Variants in UNC13B observed in about 807,000 individuals in gnomAD.
UNC13B encodes the protein protein unc-13 homolog B.
In UNC13B, 144 loss-of-function variants were observed where a neutral mutation model predicts 211.0. The ratio of observed to expected loss-of-function variants is 0.68; its 90% confidence interval spans 0.60 to 0.78. The LOEUF is 0.78. UNC13B is among the 30% of genes least tolerant of loss of function. The probability of loss-of-function intolerance (pLI) is 0.00; values close to 1 mark genes in which losing one functional copy is unlikely to be tolerated. For synonymous variants in UNC13B, 709 were observed against 725.8 expected, an observed-to-expected ratio of 0.98 and a Z score of 0.37; for missense variants, 1,777 against 2,002.0, an observed-to-expected ratio of 0.89 and a Z score of 2.14.
At chr9:35,403,634 TG>T (rs1194277703) in intron 39 of UNC13B, 35 bp downstream of exon 39, 1 of 558,552 alleles carries the variant, frequency 1.8e-6, no homozygotes. Context: ...GACTCTGGGA[TG>T]GGGGTAAGAC....
chr9:35,360,720 G>C (rs1403349697), intron 11 of UNC13B: 1 of 152,156 alleles, frequency 6.6e-6, no homozygotes, highest in African/African-American at 2.4e-5. Flanking sequence ...GGAGTGATCA[G>C]AGCTCACTGC....
chr9:35,255,805 C>T (rs543707921), intron 6 of UNC13B, among the ~76,000 whole-genome samples: 1 of 152,058 alleles, frequency 6.6e-6, no homozygotes, highest in South Asian at 2.1e-4. Context: ...GCTGCATGAC[C>T]CCTAAAGTGA....
intron 26 of UNC13B, among the ~76,000 whole-genome samples, chr9:35,395,119 C>T (rs575428330): frequency 9.9e-5 from 15 of 151,984 alleles, no homozygotes; most frequent in Non-Finnish European, 2.1e-4. Flanking sequence ...CTTTTGATGT[C>T]CCTGAGGGTC....
intron 11 of UNC13B, among the ~76,000 whole-genome samples, chr9:35,339,318 G>A (rs755314709): frequency 1.1e-4 from 17 of 152,190 alleles, no homozygotes; most frequent in Non-Finnish European, 2.2e-4. Flanking sequence ...CCTCTAAAAA[G>A]CACCCCATCC....
At position 35,243,188 on chromosome 9, in the gene UNC13B, C is replaced by T. The variant is rs1320896908; in HGVS notation, c.395-103C>T. 5 of 1,138,100 alleles carry T rather than the reference C, an allele frequency of 4.4e-6. No individual in the cohort carries two copies. In the East Asian group the frequency reaches 7.0e-5, roughly 16 times the overall value. The allele number at this position is 1,138,100 out of a possible 1,614,324, so 70.5% of individuals were successfully genotyped here. A position where few individuals can be genotyped will look rare whatever the true frequency, so the allele number is the denominator to read the frequency against. ...TCAGTTAAAACTTGTGCATCACTAC[C>T]ACCTTCTGACTTCAGTCATTAGACA... On this transcript the variant is annotated intron_variant, in intron 5 of 39. Coordinates refer to ENST00000635942, the MANE Select transcript of UNC13B (RefSeq NM_001371189.2).
At chr9:35,162,378 G>A in intron 1 of UNC13B, 73 bp downstream of exon 1, 1 of 1,460,142 alleles carries the variant, frequency 6.8e-7, no homozygotes, top group Middle Eastern at 1.8e-4. Flanking sequence ...GTGGACGTCC[G>A]GTGACCGTCT....
At chr9:35,258,660 C>T (rs1240297981) in intron 6 of UNC13B, among the ~76,000 whole-genome samples, 1 of 152,230 alleles carries the variant, frequency 6.6e-6, no homozygotes, top group African/African-American at 2.4e-5. Context: ...CAGGAAAACT[C>T]AGAGGGCTGT....
At chr9:35,255,504 G>A (rs1333631832) in intron 6 of UNC13B, among the ~76,000 whole-genome samples, 1 of 152,086 alleles carries the variant, frequency 6.6e-6, no homozygotes, top group Non-Finnish European at 1.5e-5. Context: ...CAGTCTCCTG[G>A]AGCATTCGGG....
chr9:35,291,718 A>G (rs1430456157), intron 7 of UNC13B, among the ~76,000 whole-genome samples: 1 of 152,190 alleles, frequency 6.6e-6, no homozygotes, highest in African/African-American at 2.4e-5. Flanking sequence ...TCTTTGTGGC[A>G]AAACATGTAG....
chr9:35,214,881 A>G (rs1472972344), intron 1 of UNC13B, among the ~76,000 whole-genome samples: 1 of 152,246 alleles, frequency 6.6e-6, no homozygotes, highest in Non-Finnish European at 1.5e-5. Context: ...TCAGACAAAA[A>G]TGTGAGAATG....
intron 11 of UNC13B, among the ~76,000 whole-genome samples, chr9:35,337,960 C>T (rs1046273021): frequency 6.6e-6 from 1 of 152,138 alleles, no homozygotes; most frequent in African/African-American, 2.4e-5. Flanking sequence ...TTTAGAGGAT[C>T]CTCGGTATAT....
intron 11 of UNC13B, among the ~76,000 whole-genome samples, chr9:35,338,153 T>C (rs1049769644): frequency 1.3e-5 from 2 of 152,300 alleles, no homozygotes; most frequent in South Asian, 2.1e-4. Context: ...CTTATGATCA[T>C]GAATTGTTAA....
At chr9:35,264,515 T>C (rs1827459876) in intron 7 of UNC13B, among the ~76,000 whole-genome samples, 1 of 152,158 alleles carries the variant, frequency 6.6e-6, no homozygotes. Flanking sequence ...TGTAGTAAAA[T>C]GCAAGAGGAC....
intron 1 of UNC13B, among the ~76,000 whole-genome samples, chr9:35,175,957 C>A: frequency 6.9e-6 from 1 of 145,408 alleles, no homozygotes. Flanking sequence ...ACCCAGAAAG[C>A]AGAGGTTGCG....
rs1320109969 is a variant in UNC13B at position 35,316,416 on chromosome 9, G to T, written c.9414+2427G>T. 2.0e-5 allele frequency among the ~76,000 whole-genome samples: 3 copies of T among 152,244 alleles called. No individual in the cohort carries two copies. The East Asian group carries it at 5.8e-4, about 29-fold the overall frequency. On this transcript the variant is annotated intron_variant, in intron 11 of 39. Transcript: ENST00000635942. ...TCTTAATTTGACCCTTCAGGGAGAAGATAATGTTTTAGTAATTATTGAAAA... is the reference window on the plus strand; with the variant it reads ...TCTTAATTTGACCCTTCAGGGAGAATATAATGTTTTAGTAATTATTGAAAA...
At chr9:35,351,428 A>G (rs551938836) in intron 11 of UNC13B, 2 of 1,230,802 alleles carry the variant, frequency 1.6e-6, no homozygotes, top group Non-Finnish European at 2.0e-6. Flanking sequence ...AACTGAAAAG[A>G]GCAGGACAGG....
At chr9:35,290,842 T>G (rs1829063553) in intron 7 of UNC13B, among the ~76,000 whole-genome samples, 1 of 152,134 alleles carries the variant, frequency 6.6e-6, no homozygotes, top group Non-Finnish European at 1.5e-5. Context: ...GGGTTGTTGT[T>G]AGTCTCTCTC....
intron 1 of UNC13B, among the ~76,000 whole-genome samples, chr9:35,201,834 C>G (rs558768143): frequency 1.6e-4 from 24 of 151,974 alleles, no homozygotes; most frequent in African/African-American, 4.6e-4. Flanking sequence ...GTGTCTCTAT[C>G]TCCTTCAGTT....
chr9:35,260,514 G>T (rs2131633630), intron 7 of UNC13B, among the ~76,000 whole-genome samples: 1 of 152,156 alleles, frequency 6.6e-6, no homozygotes, highest in Non-Finnish European at 1.5e-5. Context: ...CCTTCATATT[G>T]TTTCTGAAAA....
Sources: gnomAD v4.1 joint callset for allele counts (sites outside exome capture counted in the v4.1 genomes callset) on GRCh38, gnomAD v4.1.1 for gene constraint, MANE v1.5 for transcripts, NCBI Gene and HGNC (gene_info 2026-07-23, HGNC 2026-07-21) for gene names.